Variants in RIC1 observed in about 807,000 individuals in gnomAD.
RIC1 encodes the protein guanine nucleotide exchange factor subunit RIC1.
In RIC1, 88 loss-of-function variants were observed where a neutral mutation model predicts 169.0. That is an observed-to-expected ratio of 0.52 (90% CI 0.44 to 0.62). RIC1 has a LOEUF of 0.62. Among genes scored for constraint, RIC1 ranks in the 20% least tolerant of loss-of-function variants. The pLI is 0.00. For missense variants in RIC1, 1,877 were observed against 1,725.5 expected (o/e 1.09, Z -1.56); for synonymous variants, 790 against 601.5 (o/e 1.31, Z -4.59).
intron 2 of RIC1, among the ~76,000 whole-genome samples, chr9:5,681,794 C>T (rs1441922231): frequency 6.6e-6 from 1 of 152,142 alleles, no homozygotes; most frequent in Non-Finnish European, 1.5e-5. Context: ...CTTTGTAGGT[C>T]AGCAAGGACT....
chr9:5,630,392 C>T (rs1817662890), intron 1 of RIC1, among the ~76,000 whole-genome samples: 1 of 152,130 alleles, frequency 6.6e-6, no homozygotes, highest in Admixed American at 6.5e-5. Flanking sequence ...TTCTCCTTTC[C>T]AAGTTAATTT....
At chr9:5,762,756 T>G (rs765159638) in intron 18 of RIC1, 96 bp downstream of exon 18, 3 of 1,428,774 alleles carry the variant, frequency 2.1e-6, no homozygotes, top group Non-Finnish European at 2.8e-6. Context: ...ATTTTATGAT[T>G]TGGAAAGGAG....
intron 2 of RIC1, among the ~76,000 whole-genome samples, chr9:5,657,392 C>T (rs1819164818): frequency 6.6e-6 from 1 of 152,028 alleles, no homozygotes; most frequent in Non-Finnish European, 1.5e-5. Context: ...GGTTAATTAA[C>T]ATTATTGAGC....
intron 3 of RIC1, among the ~76,000 whole-genome samples, chr9:5,700,755 G>A (rs552499205): frequency 9.2e-5 from 14 of 152,062 alleles, no homozygotes; most frequent in Non-Finnish European, 2.1e-4. Context: ...CAAAGCTTGT[G>A]GGAAAATCGT....
In RIC1 at chr9:5,774,385, C is replaced by CT; in HGVS notation, c.*142dup. The CT allele has an allele frequency of 1.6e-6, 1 of 641,262 alleles. No individual in the cohort carries two copies. The highest frequency in any genetic ancestry group is 4.6e-4 in the Middle Eastern group (1 of 2,186). 39.7% of individuals were successfully genotyped at this position (641,262 alleles called of 1,614,324 possible). ...AAGTATTAGTAGATTTTAACTAATT[C>CT]TTTCTTGTCTAAGAAATCTTTTTGA... is the stretch of plus-strand genomic sequence containing the variant. On this transcript the variant is annotated 3_prime_UTR_variant, in exon 26 of 26. Coordinates refer to ENST00000414202, the MANE Select transcript of RIC1 (RefSeq NM_020829.4).
chr9:5,703,616 T>C (rs1398546260), intron 3 of RIC1, among the ~76,000 whole-genome samples: 1 of 152,246 alleles, frequency 6.6e-6, no homozygotes, highest in Non-Finnish European at 1.5e-5. Flanking sequence ...CTGGATACTT[T>C]GTATAAATGG....
chr9:5,729,292 AGGGTATTTATT>A (rs1048855626), intron 6 of RIC1, among the ~76,000 whole-genome samples: 2 of 152,104 alleles, frequency 1.3e-5, no homozygotes, highest in Non-Finnish European at 2.9e-5. Context: ...GAGTGGAGGT[AGGGTATTTATT>A]GGCTGCTCAG....
chr9:5,675,351 T>A (rs1410491450), intron 2 of RIC1, among the ~76,000 whole-genome samples: 1 of 152,286 alleles, frequency 6.6e-6, no homozygotes, highest in East Asian at 1.9e-4. Flanking sequence ...CTAAAAAGAT[T>A]GCTTTATGAG....
intron 2 of RIC1, among the ~76,000 whole-genome samples, chr9:5,677,639 A>G (rs1018720996): frequency 6.6e-6 from 1 of 151,934 alleles, no homozygotes. Context: ...TTCATTTTCA[A>G]AGTTGCTTTT....
At chr9:5,771,429 T>C (rs1479708047) in intron 23 of RIC1, among the ~76,000 whole-genome samples, 1 of 152,204 alleles carries the variant, frequency 6.6e-6, no homozygotes, top group Non-Finnish European at 1.5e-5. Context: ...ATTCTTCTGA[T>C]GATGGACACT....
chr9:5,761,791 C>T (rs1402061887), intron 17 of RIC1, among the ~76,000 whole-genome samples: 1 of 152,128 alleles, frequency 6.6e-6, no homozygotes, highest in East Asian at 1.9e-4. Flanking sequence ...GTTTAATGTG[C>T]ATAATGGTTT....
intron 17 of RIC1, among the ~76,000 whole-genome samples, chr9:5,758,874 A>AG (rs1826169782): frequency 6.6e-6 from 1 of 151,352 alleles, no homozygotes. Flanking sequence ...CCTCCCAACT[A>AG]GCTGGGACTG....
At chr9:5,727,060 T>G (rs1014251688) in intron 6 of RIC1, among the ~76,000 whole-genome samples, 2 of 152,186 alleles carry the variant, frequency 1.3e-5, no homozygotes, top group Non-Finnish European at 2.9e-5. Context: ...AGGAGTATCT[T>G]TGTGGCGTTC....
intron 12 of RIC1, among the ~76,000 whole-genome samples, chr9:5,747,794 T>TG (rs1825471733): frequency 3.5e-5 from 4 of 114,206 alleles, no homozygotes; most frequent in Non-Finnish European, 1.7e-5. Context: ...ACTTTCAGCC[T>TG]CTTTTTTTGT....
At chr9:5,629,762 T>C (rs991585831) in intron 1 of RIC1, among the ~76,000 whole-genome samples, 1 of 152,170 alleles carries the variant, frequency 6.6e-6, no homozygotes, top group Middle Eastern at 3.2e-3. Flanking sequence ...CTTGTTCTTC[T>C]CTCCCTTCCC....
intron 2 of RIC1, among the ~76,000 whole-genome samples, chr9:5,671,869 G>A (rs1285642502): frequency 6.6e-6 from 1 of 152,194 alleles, no homozygotes; most frequent in Non-Finnish European, 1.5e-5. Context: ...ACTGAGACAG[G>A]ATCTGAGATT....
intron 2 of RIC1, among the ~76,000 whole-genome samples, chr9:5,678,255 C>T (rs1820581273): frequency 2.0e-5 from 3 of 152,118 alleles, no homozygotes; most frequent in Non-Finnish European, 4.4e-5. Context: ...CATTGTTGGA[C>T]ATTTGGCTTG....
intron 2 of RIC1, among the ~76,000 whole-genome samples, chr9:5,675,549 G>T (rs531936084): frequency 6.6e-6 from 1 of 152,026 alleles, no homozygotes; most frequent in Non-Finnish European, 1.5e-5. Flanking sequence ...TTCAACTTAC[G>T]ACAAGTATAA....
At chr9:5,649,854 A>G (rs1818708440) in intron 1 of RIC1, among the ~76,000 whole-genome samples, 1 of 151,686 alleles carries the variant, frequency 6.6e-6, no homozygotes, top group African/African-American at 2.4e-5. Context: ...CTTTTTCCTG[A>G]AGATCTATCC....
Sources: allele counts gnomAD v4.1 joint callset (sites outside exome capture counted in the v4.1 genomes callset), GRCh38; gene constraint gnomAD v4.1.1; transcripts MANE v1.5; gene names NCBI Gene and HGNC (gene_info 2026-07-23, HGNC 2026-07-21).